NELL1: variants seen among roughly 807,000 people sequenced by gnomAD.
NELL1 encodes the protein protein kinase C-binding protein NELL1.
A neutral mutation model predicts 107.4 loss-of-function variants in NELL1; 76 were observed. The observed-to-expected ratio is 0.71, with a 90% CI of 0.59 to 0.86. The LOEUF (loss-of-function observed/expected upper bound fraction) is 0.86, where lower values mean the gene tolerates loss of function less well. NELL1 is among the 40% of genes least tolerant of loss of function. The probability of loss-of-function intolerance (pLI) is 0.00; values close to 1 mark genes in which losing one functional copy is unlikely to be tolerated. For missense variants in NELL1, 1,024 were observed against 1,005.5 expected (o/e 1.02, Z -0.25); for synonymous variants, 353 against 341.2 (o/e 1.03, Z -0.38).
At chr11:21,358,817 T>C (rs1851007102) in intron 14 of NELL1, among the ~76,000 whole-genome samples, 1 of 152,098 alleles carries the variant, frequency 6.6e-6, no homozygotes, top group South Asian at 2.1e-4. Context: ...GTACCAGTGC[T>C]ACTGATTTGT....
At chr11:21,068,060 G>A (rs1159431905) in intron 12 of NELL1, among the ~76,000 whole-genome samples, 1,334 of 40,060 alleles carry the variant, frequency 0.033, 1 homozygote, top group African/African-American at 0.044. Flanking sequence ...AAAAAAAAAA[G>A]ACCTCTATTC....
chr11:21,127,263 A>G (rs1382375838), intron 13 of NELL1, among the ~76,000 whole-genome samples: 1 of 152,140 alleles, frequency 6.6e-6, no homozygotes, highest in Non-Finnish European at 1.5e-5. Context: ...TAAAAATAGT[A>G]TATTAATACT....
At chr11:21,384,420 T>C (rs1851686942) in intron 15 of NELL1, among the ~76,000 whole-genome samples, 1 of 150,736 alleles carries the variant, frequency 6.6e-6, no homozygotes, top group African/African-American at 2.4e-5. Flanking sequence ...CATAATTGTC[T>C]TCTTGATTTT....
intron 14 of NELL1, among the ~76,000 whole-genome samples, chr11:21,244,632 G>C (rs1413926156): frequency 2.0e-5 from 3 of 152,240 alleles, no homozygotes; most frequent in East Asian, 3.9e-4. Context: ...GTCTGATCTG[G>C]GGCAAAGTCT....
chr11:21,317,250 T>G (rs1292323791), intron 14 of NELL1, among the ~76,000 whole-genome samples: 1 of 151,940 alleles, frequency 6.6e-6, no homozygotes, highest in East Asian at 1.9e-4. Flanking sequence ...AAATTAAAAT[T>G]TACTTAATCT....
chr11:20,853,146 A>G (rs1848822292), intron 4 of NELL1, among the ~76,000 whole-genome samples: 2 of 152,244 alleles, frequency 1.3e-5, no homozygotes, highest in African/African-American at 4.8e-5. Flanking sequence ...TCACAGGCAT[A>G]ACAGTGCCAA....
intron 2 of NELL1, among the ~76,000 whole-genome samples, chr11:20,778,865 A>G (rs1203633160): frequency 6.6e-6 from 1 of 152,190 alleles, no homozygotes; most frequent in Non-Finnish European, 1.5e-5. Flanking sequence ...AAAGAGATGG[A>G]GTAGGTTAAC....
chr11:20,940,188 C>T (rs542040248), intron 10 of NELL1, among the ~76,000 whole-genome samples: 26 of 152,000 alleles, frequency 1.7e-4, no homozygotes, highest in Non-Finnish European at 3.1e-4. Context: ...TCCCTCCCTC[C>T]GTCCCTCTCT....
intron 15 of NELL1, among the ~76,000 whole-genome samples, chr11:21,508,062 G>A (rs983608749): frequency 6.6e-6 from 1 of 152,074 alleles, no homozygotes; most frequent in African/African-American, 2.4e-5. Context: ...GGGATTACAG[G>A]TGTGAGCTAC....
intron 14 of NELL1, among the ~76,000 whole-genome samples, chr11:21,363,299 A>G (rs1191202122): frequency 6.6e-6 from 1 of 152,150 alleles, no homozygotes; most frequent in East Asian, 1.9e-4. Context: ...TGCTACTTGT[A>G]CTTTCAAATT....
At chr11:20,698,171 T>A (rs1854673664) in intron 2 of NELL1, among the ~76,000 whole-genome samples, 2 of 152,192 alleles carry the variant, frequency 1.3e-5, no homozygotes, top group South Asian at 4.1e-4. Flanking sequence ...TAGAAGTGTT[T>A]TTGCTCTTGC....
intron 15 of NELL1, among the ~76,000 whole-genome samples, chr11:21,500,391 G>C (rs1855105327): frequency 6.6e-6 from 1 of 152,004 alleles, no homozygotes; most frequent in South Asian, 2.1e-4. Context: ...TTCTCTGTAA[G>C]TACTAAATCA....
At chr11:21,308,925 C>A (rs1315732440) in intron 14 of NELL1, among the ~76,000 whole-genome samples, 1 of 151,512 alleles carries the variant, frequency 6.6e-6, no homozygotes, top group Non-Finnish European at 1.5e-5. Flanking sequence ...AGTTTAGGAG[C>A]AAGAAGGCTC....
intron 12 of NELL1, among the ~76,000 whole-genome samples, chr11:21,053,648 C>G (rs1047824986): frequency 6.6e-6 from 1 of 152,092 alleles, no homozygotes; most frequent in Non-Finnish European, 1.5e-5. Context: ...GGGAAAAAAC[C>G]ATCAGCTTTT....
At chr11:21,172,717 C>A (rs1217084356) in intron 13 of NELL1, among the ~76,000 whole-genome samples, 1 of 151,744 alleles carries the variant, frequency 6.6e-6, no homozygotes, top group African/African-American at 2.4e-5. Flanking sequence ...ATGCCACACA[C>A]TATGCCAAAT....
intron 12 of NELL1, among the ~76,000 whole-genome samples, chr11:21,040,634 A>G (rs1422278207): frequency 6.6e-6 from 1 of 152,180 alleles, no homozygotes; most frequent in Non-Finnish European, 1.5e-5. Flanking sequence ...CTCCATCAGT[A>G]TCATTAGCCA....
chr11:21,374,549 C>G (rs12291762), intron 15 of NELL1, among the ~76,000 whole-genome samples: 36,207 of 151,834 alleles, frequency 0.24, 4,876 homozygotes, highest in Admixed American at 0.37. Flanking sequence ...CGTTCTGTTC[C>G]TTAGAGGAGA....
chr11:20,679,204 A>G (rs1253272815), intron 2 of NELL1, among the ~76,000 whole-genome samples: 1 of 152,122 alleles, frequency 6.6e-6, no homozygotes, highest in Non-Finnish European at 1.5e-5. Context: ...TACCTGTTTT[A>G]AGTATTACTC....
chr11:20,863,626 G>C (rs1849034738), intron 4 of NELL1, among the ~76,000 whole-genome samples: 1 of 149,656 alleles, frequency 6.7e-6, no homozygotes, highest in Admixed American at 6.6e-5. Flanking sequence ...CTCCCAGACT[G>C]GGCAGCCGGG....
Sources: gnomAD v4.1 joint callset for allele counts (sites outside exome capture counted in the v4.1 genomes callset) on GRCh38, gnomAD v4.1.1 for gene constraint, MANE v1.5 for transcripts, NCBI Gene and HGNC (gene_info 2026-07-23, HGNC 2026-07-21) for gene names.